CIC: variants seen among roughly 807,000 people sequenced by gnomAD.
CIC encodes protein capicua homolog.
In CIC, 18 loss-of-function variants were observed where a neutral mutation model predicts 115.7. That is an observed-to-expected ratio of 0.16 (90% CI 0.11 to 0.23). The LOEUF (loss-of-function observed/expected upper bound fraction) is 0.23. Among genes scored for constraint, CIC ranks in the 10% least tolerant of loss-of-function variants. CIC has a pLI of 1.00. For missense variants in CIC, 2,000 were observed against 2,159.3 expected, an observed-to-expected ratio of 0.93 and a Z score of 1.46; for synonymous variants, 1,076 against 923.0, an observed-to-expected ratio of 1.17 and a Z score of -3.01.
intron 2 of CIC, chr19:42,284,567 CGG>C (rs531450546): frequency 4.4e-4 from 58 of 132,436 alleles, no homozygotes; most frequent in African/African-American, 1.3e-3. Context: ...AGGGGGGCGG[CGG>C]GGGGGGGGGC....
At position 42,284,965 on chromosome 19, in the gene CIC, C is replaced by T. The variant is rs1000033675; in HGVS notation, c.2795-1806C>T. On this transcript the variant is annotated intron_variant, in intron 2 of 20. Transcript: ENST00000681038. ...GGGAGTGTAGCGGAGTGGGGCGTAT[C>T]TGGGGACAGCTGTGATGTTAAAGTG... is the stretch of plus-strand genomic sequence containing the variant. Among the ~76,000 whole-genome samples the T allele has an allele frequency of 1.2e-4, 18 of 152,070 alleles. 1 individual carries two copies. Among genetic ancestry groups the T allele is most frequent in the South Asian group, 6.2e-4 (3 of 4,828 alleles).
intron 2 of CIC, among the ~76,000 whole-genome samples, chr19:42,274,987 G>C (rs940052413): frequency 1.8e-4 from 28 of 152,200 alleles, no homozygotes; most frequent in African/African-American, 6.8e-4. Context: ...CCACCTCATA[G>C]AGCACTTACC....
At chr19:42,276,708 A>G (rs528364001) in intron 2 of CIC, among the ~76,000 whole-genome samples, 1 of 152,292 alleles carries the variant, frequency 6.6e-6, no homozygotes, top group South Asian at 2.1e-4. Flanking sequence ...TTCTGTCCTT[A>G]GGTAATGAAG....
At chr19:42,278,892 C>G (rs2037097226) in intron 2 of CIC, among the ~76,000 whole-genome samples, 1 of 152,240 alleles carries the variant, frequency 6.6e-6, no homozygotes, top group African/African-American at 2.4e-5. Flanking sequence ...ATCCAAGCAC[C>G]TGTTCCCAAG....
At chr19:42,284,321 C>G (rs1427523908) in intron 2 of CIC, 1 of 144,852 alleles carries the variant, frequency 6.9e-6, no homozygotes, top group African/African-American at 2.5e-5. Flanking sequence ...GCACGCGCGT[C>G]GCGCCCCGCC....
intron 2 of CIC, among the ~76,000 whole-genome samples, chr19:42,275,707 T>C (rs928678686): frequency 1.3e-5 from 2 of 152,156 alleles, no homozygotes; most frequent in Admixed American, 6.5e-5. Context: ...AGAGATGGGG[T>C]CTTGCTGTAT....
Position 42,295,105 on chromosome 19 carries a change from T to C in CIC, c.7468T>C (p.Ser2490Pro), listed in dbSNP as rs1321674439. Reference sequence around the variant, plus strand: ...CCCGCCACTGCCTCCACCCCCAGAGTCGGGGCCTGGACAGCCTGGCTGGGA... The same window carrying C: ...CCCGCCACTGCCTCCACCCCCAGAGCCGGGGCCTGGACAGCCTGGCTGGGA... ...AAPPLPPPPE[S>P]GPGQPGWEGA... The change falls in exon 21 of 21, where the codon TCG becomes CCG. Residue 2490 changes from serine to proline, a missense_variant. Around this residue, in one of 8 missense-constraint regions of CIC, gnomAD observed 133 missense variants for 116.0 expected, o/e 1.15. Transcript: ENST00000681038. 1 of 1,523,510 alleles carries C rather than the reference T, an allele frequency of 6.6e-7. No homozygotes were observed. Among genetic ancestry groups the C allele is most frequent in the Non-Finnish European group, 8.8e-7 (1 of 1,141,342 alleles). 94.4% of individuals were successfully genotyped at this position (1,523,510 alleles called of 1,614,324 possible). A position where few individuals can be genotyped will look rare whatever the true frequency, so the allele number is the denominator to read the frequency against.
At chr19:42,284,918 C>G in intron 2 of CIC, 1 of 755,908 alleles carries the variant, frequency 1.3e-6, no homozygotes, top group Non-Finnish European at 2.2e-6. Flanking sequence ...TCGGCCGGGC[C>G]GAGTGGTTAG....
chr19:42,292,251 G>A, intron 13 of CIC, 44 bp downstream of exon 13: 2 of 1,613,718 alleles, frequency 1.2e-6, no homozygotes, highest in Non-Finnish European at 8.5e-7. Context: ...GGAAGGGGTG[G>A]GGCGGGGCCG....
At chr19:42,290,165 T>C in intron 10 of CIC, 68 bp from the exon 11 acceptor site, 2 of 1,605,686 alleles carry the variant, frequency 1.2e-6, no homozygotes, top group Non-Finnish European at 1.7e-6. Flanking sequence ...TGGATGGGCA[T>C]GGCTAGGGGG....
chr19:42,294,758 G>A lies in CIC; in HGVS notation c.7186+23G>A, dbSNP rs1384992396. On this transcript the variant is annotated intron_variant, in intron 20 of 20. Transcript: ENST00000681038. ...CAGGTGAGCCTGTCTCGGAGTCTTGGGGTCACTCGGGTGGGACTTATCTGT... is the reference window on the plus strand; with the variant it reads ...CAGGTGAGCCTGTCTCGGAGTCTTGAGGTCACTCGGGTGGGACTTATCTGT... 6 of 1,611,614 alleles carry A rather than the reference G, an allele frequency of 3.7e-6. No homozygotes were observed. The African/African-American group carries it at 8.0e-5, about 22-fold the overall frequency.
intron 2 of CIC, among the ~76,000 whole-genome samples, chr19:42,278,349 C>T (rs562295514): frequency 1.1e-4 from 17 of 152,360 alleles, no homozygotes; most frequent in Middle Eastern, 3.4e-3. Flanking sequence ...AGGCGTTGCT[C>T]CTTCTCCTGG....
intron 2 of CIC, among the ~76,000 whole-genome samples, chr19:42,285,463 G>A (rs912344552): frequency 6.6e-6 from 1 of 152,174 alleles, no homozygotes; most frequent in African/African-American, 2.4e-5. Flanking sequence ...GCTCTTCAGT[G>A]CTGTCTTCGT....
chr19:42,290,288 G>A lies in CIC; in HGVS notation c.4247G>A (p.Arg1416His), dbSNP rs776806622. The stretch of plus-strand genomic sequence containing the variant: ...ATCCGTTCCTCCTTTACCCACTGCC[G>A]CCCCCCACTGGACCCTGAGCCCCCA... ...PVIRSSFTHC[R>H]PPLDPEPPGP... The change falls in exon 11 of 21, where the codon CGC becomes CAC. Residue 1416 changes from arginine to histidine, a missense_variant. Around this residue, in one of 8 missense-constraint regions of CIC, gnomAD observed 1,466 missense variants for 1,390.4 expected, o/e 1.05. Transcript: ENST00000681038. The A allele has an allele frequency of 1.1e-5, 18 of 1,613,934 alleles. No individual in the cohort carries two copies. Among genetic ancestry groups the A allele is most frequent in the East Asian group, 2.2e-5 (1 of 44,860 alleles).
At chr19:42,283,542 GTGTC>G (rs953026448) in intron 2 of CIC, among the ~76,000 whole-genome samples, 11 of 152,136 alleles carry the variant, frequency 7.2e-5, no homozygotes, top group Non-Finnish European at 1.3e-4. Context: ...GCACGAAAGT[GTGTC>G]TGTATGTCTG....
At chr19:42,284,618 G>GCGACGGC in intron 2 of CIC, 1 of 932,192 alleles carries the variant, frequency 1.1e-6, no homozygotes, top group Non-Finnish European at 1.5e-6. Context: ...GGCCCAAGCG[G>GCGACGGC]CGACGGCCGA....
chr19:42,283,241 C>T (rs2037346932), intron 2 of CIC, among the ~76,000 whole-genome samples: 1 of 151,794 alleles, frequency 6.6e-6, no homozygotes, highest in Admixed American at 6.6e-5. Context: ...GTGTAGTGGA[C>T]AAGCAGGGCT....
intron 11 of CIC, 32 bp downstream of exon 11, chr19:42,291,498 G>C: frequency 6.2e-7 from 1 of 1,613,116 alleles, no homozygotes; most frequent in South Asian, 1.1e-5. Context: ...ACTAGGGGAG[G>C]GGCCATAGTC....
At chr19:42,285,820 C>T (rs1024916403) in intron 2 of CIC, among the ~76,000 whole-genome samples, 1 of 152,270 alleles carries the variant, frequency 6.6e-6, no homozygotes, top group Non-Finnish European at 1.5e-5. Flanking sequence ...CTAGGGCTTG[C>T]TCTTCCACCA....
Sources: gnomAD v4.1 joint callset for allele counts (sites outside exome capture counted in the v4.1 genomes callset) on GRCh38, gnomAD v4.1.1 for gene constraint, gnomAD v4.1.1 regional missense constraint, MANE v1.5 for transcripts, NCBI Gene and HGNC (gene_info 2026-07-23, HGNC 2026-07-21) for gene names.